The following STIMATE variants were observed in gnomAD, a reference collection of about 807,000 sequenced individuals.
The protein encoded by STIMATE is STIM activating enhancer.
Under a neutral mutation model 36.7 loss-of-function variants are expected in STIMATE, and 15 were observed. That is an observed-to-expected ratio of 0.41 (90% CI 0.27 to 0.63). The LOEUF (loss-of-function observed/expected upper bound fraction) is 0.63. Among genes scored for constraint, STIMATE ranks in the 20% least tolerant of loss-of-function variants. The pLI is 0.32. For synonymous variants in STIMATE, 163 were observed against 162.3 expected (o/e 1.00, Z -0.03); for missense variants, 305 against 397.3 (o/e 0.77, Z 1.98).
intron 1 of STIMATE, among the ~76,000 whole-genome samples, chr3:52,879,376 C>A (rs1701564890): frequency 6.6e-6 from 1 of 152,126 alleles, no homozygotes; most frequent in African/African-American, 2.4e-5. Flanking sequence ...ATACCTGTAG[C>A]CCTACTTGGC....
At chr3:52,874,524 T>C (rs1298507556) in intron 1 of STIMATE, among the ~76,000 whole-genome samples, 5 of 152,230 alleles carry the variant, frequency 3.3e-5, no homozygotes, top group African/African-American at 1.2e-4. Flanking sequence ...CTTTTCATAA[T>C]GTTTTAGTTG....
intron 1 of STIMATE, chr3:52,895,786 G>A (rs1178772569): frequency 2.1e-6 from 2 of 946,694 alleles, no homozygotes; most frequent in East Asian, 6.3e-5. Context: ...AGGTTAGGGA[G>A]CAAAAGAAAA....
intron 1 of STIMATE, among the ~76,000 whole-genome samples, chr3:52,863,497 G>A (rs1701252793): frequency 6.6e-6 from 1 of 152,286 alleles, no homozygotes; most frequent in South Asian, 2.1e-4. Context: ...ACAATTCAAG[G>A]TGAGATTTGG....
At chr3:52,879,275 C>T (rs1307349208) in intron 1 of STIMATE, among the ~76,000 whole-genome samples, 2 of 152,180 alleles carry the variant, frequency 1.3e-5, no homozygotes, top group East Asian at 3.8e-4. Context: ...AGTCAGGTGG[C>T]CAGAGACAGG....
intron 1 of STIMATE, among the ~76,000 whole-genome samples, chr3:52,860,360 T>G (rs1701197315): frequency 6.7e-6 from 1 of 148,766 alleles, no homozygotes; most frequent in Non-Finnish European, 1.5e-5. Flanking sequence ...GAACTGTCAA[T>G]GAGGAGGTAT....
chr3:52,867,596 A>G (rs1701333062), intron 1 of STIMATE, among the ~76,000 whole-genome samples: 1 of 152,012 alleles, frequency 6.6e-6, no homozygotes, highest in African/African-American at 2.4e-5. Flanking sequence ...GAACAGGACC[A>G]CTCCCTGATG....
At chr3:52,878,350 T>C (rs1311038701) in intron 1 of STIMATE, among the ~76,000 whole-genome samples, 1 of 150,910 alleles carries the variant, frequency 6.6e-6, no homozygotes, top group African/African-American at 2.5e-5. Context: ...TCTAGAAGTC[T>C]GATGGTCCTG....
Position 52,838,057 on chromosome 3 carries a change from C to T in STIMATE, c.*2437G>A, listed in dbSNP as rs1459520474. The T allele has an allele frequency of 6.6e-6, 1 of 152,252 alleles. No individual in the cohort carries two copies. Among genetic ancestry groups the T allele is most frequent in the East Asian group, 1.9e-4 (1 of 5,188 alleles). 9.4% of individuals were successfully genotyped at this position (152,252 alleles called of 1,614,324 possible). ...GGGAAGGCCAAACACGAGAGGTGTC[C>T]TATGGTCAGACACCCTATTAGACCC... On this transcript the variant is annotated 3_prime_UTR_variant, in exon 8 of 8. Transcript: ENST00000355083.
chr3:52,861,579 G>A (rs1055875135), intron 1 of STIMATE, among the ~76,000 whole-genome samples: 1 of 152,200 alleles, frequency 6.6e-6, no homozygotes, highest in African/African-American at 2.4e-5. Flanking sequence ...GACCGGCTAG[G>A]CACGTTGTCT....
At chr3:52,856,692 G>A (rs1256403059) in intron 1 of STIMATE, among the ~76,000 whole-genome samples, 1 of 151,468 alleles carries the variant, frequency 6.6e-6, no homozygotes, top group Non-Finnish European at 1.5e-5. Context: ...TCAAAAAAAA[G>A]AAAAGAAAAG....
chr3:52,878,542 T>C (rs1701541396), intron 1 of STIMATE, among the ~76,000 whole-genome samples: 1 of 152,212 alleles, frequency 6.6e-6, no homozygotes. Context: ...CTGGATGTAT[T>C]AGTTTTGTTT....
Position 52,897,532 on chromosome 3 carries a change from G to T in STIMATE, c.-82C>A. ...CCGGCGCAGCGCCGCCAAACCCGCA[G>T]CCGGGATCCCAAGCCTGAGCCGGTA... On this transcript the variant is annotated 5_prime_UTR_variant, in exon 1 of 8. The change creates a new upstream start codon in the 5' untranslated region. Coordinates refer to ENST00000355083, the MANE Select transcript of STIMATE (RefSeq NM_198563.5). 2 of 1,181,158 alleles carry T rather than the reference G, an allele frequency of 1.7e-6. No individual in the cohort carries two copies. The highest frequency in any genetic ancestry group is 1.0e-6 in the Non-Finnish European group (1 of 956,268). 73.2% of individuals were successfully genotyped at this position (1,181,158 alleles called of 1,614,324 possible).
At position 52,871,385 on chromosome 3, in the gene STIMATE, A is replaced by C. The variant is rs1217111832; in HGVS notation, c.161-15941T>G. ...GGACTGCTCACGACAGTCAGCAAGCACCTCATCTGTGTGGGAGCACCTGCG... is the reference window on the plus strand; with the variant it reads ...GGACTGCTCACGACAGTCAGCAAGCCCCTCATCTGTGTGGGAGCACCTGCG... On this transcript the variant is annotated intron_variant, in intron 1 of 7. Coordinates refer to ENST00000355083, the MANE Select transcript of STIMATE (RefSeq NM_198563.5). 5.3e-5 allele frequency among the ~76,000 whole-genome samples: 8 copies of C among 151,910 alleles called. No individual in the cohort carries two copies. In the East Asian group the frequency reaches 1.4e-3, roughly 26 times the overall value.
intron 1 of STIMATE, among the ~76,000 whole-genome samples, chr3:52,887,984 A>G (rs1006106719): frequency 2.7e-4 from 32 of 117,800 alleles, no homozygotes; most frequent in African/African-American, 1.0e-3. Context: ...AACTTCATAT[A>G]ACAGAATCAG....
chr3:52,867,286 A>G (rs1369542076), intron 1 of STIMATE, among the ~76,000 whole-genome samples: 1 of 152,186 alleles, frequency 6.6e-6, no homozygotes, highest in African/African-American at 2.4e-5. Flanking sequence ...CCCAGTGGCC[A>G]TTTTAGCTTA....
At chr3:52,853,088 C>T (rs1701036109) in intron 2 of STIMATE, among the ~76,000 whole-genome samples, 1 of 152,206 alleles carries the variant, frequency 6.6e-6, no homozygotes, top group Non-Finnish European at 1.5e-5. Flanking sequence ...TCCAGTACTG[C>T]AGCTGGATCC....
Sources: gnomAD v4.1 joint callset for allele counts (sites outside exome capture counted in the v4.1 genomes callset) on GRCh38, gnomAD v4.1.1 for gene constraint, MANE v1.5 for transcripts, NCBI Gene and HGNC (gene_info 2026-07-23, HGNC 2026-07-21) for gene names.